The following ATM variants were observed in gnomAD, a reference collection of about 807,000 sequenced individuals.
The protein encoded by ATM is serine-protein kinase ATM.
A neutral mutation model predicts 387.0 loss-of-function variants in ATM; 308 were observed. That is an observed-to-expected ratio of 0.80 (90% CI 0.73 to 0.87). The LOEUF (loss-of-function observed/expected upper bound fraction) is 0.87. ATM is among the 40% of genes least tolerant of loss of function. ATM has a pLI of 0.00. For missense variants in ATM, 3,312 were observed against 3,560.9 expected, an observed-to-expected ratio of 0.93 and a Z score of 1.78; for synonymous variants, 1,156 against 1,187.3, an observed-to-expected ratio of 0.97 and a Z score of 0.54.
At chr11:108,250,442 T>C (rs143508429) in intron 9 of ATM, among the ~76,000 whole-genome samples, 97 of 152,216 alleles carry the variant, frequency 6.4e-4, no homozygotes, top group African/African-American at 2.2e-3. Context: ...GCCCAAATAT[T>C]GCTAATTTAA....
chr11:108,360,926 A>C (rs1591361008), intron 61 of ATM, among the ~76,000 whole-genome samples: 1 of 111,774 alleles, frequency 8.9e-6, no homozygotes, highest in East Asian at 2.4e-4. Context: ...TATTCAACAT[A>C]GTGTTGGAAG....
At chr11:108,276,853 C>A (rs534866181) in intron 22 of ATM, among the ~76,000 whole-genome samples, 1 of 152,320 alleles carries the variant, frequency 6.6e-6, no homozygotes, top group South Asian at 2.1e-4. Flanking sequence ...CAGGGACCCA[C>A]TTGAGGAGGC....
intron 1 of ATM, 31 bp from the exon 2 acceptor site, chr11:108,227,564 A>G (rs1321572243): frequency 1.5e-6 from 2 of 1,322,808 alleles, no homozygotes; most frequent in Admixed American, 1.7e-5. Flanking sequence ...ATACATATAC[A>G]TATATATACC....
intron 22 of ATM, among the ~76,000 whole-genome samples, chr11:108,277,403 C>T (rs1411459689): frequency 6.6e-6 from 1 of 152,120 alleles, no homozygotes; most frequent in African/African-American, 2.4e-5. Context: ...TTCCAGGTGC[C>T]ACTGGGGTAT....
At position 108,321,424 on chromosome 11, in the gene ATM, T is replaced by C. The variant is rs587780636; in HGVS notation, c.6572+4T>C. 25 of 1,613,968 alleles carry C rather than the reference T, an allele frequency of 1.5e-5. No homozygotes were observed. Among genetic ancestry groups the C allele is most frequent in the East Asian group, 2.2e-5 (1 of 44,884 alleles). ...GCATTGGGGAGCTTTTCTCAAGGTATGTAATTCGTATGACTTTGTTATCCT... is the reference window on the plus strand; with the variant it reads ...GCATTGGGGAGCTTTTCTCAAGGTACGTAATTCGTATGACTTTGTTATCCT... On this transcript the variant is annotated splice_donor_region_variant and intron_variant, in intron 45 of 62. Transcript: ENST00000675843.
intron 40 of ATM, among the ~76,000 whole-genome samples, chr11:108,313,688 T>A (rs1275392805): frequency 6.6e-6 from 1 of 152,194 alleles, no homozygotes; most frequent in African/African-American, 2.4e-5. Context: ...GTGCTAAGCA[T>A]GGGTACTGAA....
At chr11:108,354,026 G>C (rs895438587) in intron 60 of ATM, 146 bp downstream of exon 60, 95 of 685,186 alleles carry the variant, frequency 1.4e-4, no homozygotes, top group Non-Finnish European at 4.9e-5. Flanking sequence ...GTCCAGCCTA[G>C]GCAATACAGC....
chr11:108,341,764 ATACAAAT>A (rs2087609918), intron 56 of ATM, among the ~76,000 whole-genome samples: 1 of 152,226 alleles, frequency 6.6e-6, no homozygotes, highest in East Asian at 1.9e-4. Context: ...AATCTGGAAA[ATACAAAT>A]TAAAACCACA....
chr11:108,288,860 A>G, intron 27 of ATM, 117 bp from the exon 28 acceptor site: 1 of 1,220,342 alleles, frequency 8.2e-7, no homozygotes, highest in East Asian at 2.4e-5. Context: ...TTTCAGTAGA[A>G]AAATGGTTTT....
At chr11:108,316,794 C>A (rs868499686) in intron 42 of ATM, among the ~76,000 whole-genome samples, 1 of 145,698 alleles carries the variant, frequency 6.9e-6, no homozygotes, top group Non-Finnish European at 1.5e-5. Flanking sequence ...GGTGTGGTGG[C>A]GGGTGCCTGT....
At chr11:108,332,652 C>T (rs2086387548) in intron 52 of ATM, 110 bp from the exon 53 acceptor site, 1 of 1,158,036 alleles carries the variant, frequency 8.6e-7, no homozygotes, top group South Asian at 1.4e-5. Context: ...ATAATCATTC[C>T]ATTGTCTAGA....
chr11:108,304,835 C>T lies in ATM; in HGVS notation c.5657C>T (p.Pro1886Leu). Residue 1886 changes from proline (P) to leucine (L), a missense_variant, in exon 37 of 63, where the codon CCT (proline) becomes CTT (leucine). Around this residue, in one of 4 missense-constraint regions of ATM, gnomAD observed 1,405 missense variants for 1,604.4 expected, o/e 0.88. Coordinates refer to ENST00000675843, the MANE Select transcript of ATM (RefSeq NM_000051.4). ...TCGCAAACGAGCCGATCCACAACCC[C>T]TGCAAACTTGGATTCAGGTATTCTA... ...HFSQTSRSTT[P>L]ANLDSESEHF... 6.2e-7 allele frequency: 1 copy of T among 1,614,052 alleles called. No individual in the cohort carries two copies. The highest frequency in any genetic ancestry group is 8.5e-7 in the Non-Finnish European group (1 of 1,180,012).
rs745863765 is a variant in ATM, at chr11:108,279,571, A to G, written c.3365A>G (p.Asn1122Ser). Residue 1122 changes from asparagine (N) to serine (S), a missense_variant, in exon 23 of 63, where the codon AAT becomes AGT. Asn to Ser is a conservative substitution (Grantham distance 46). Around this residue, in one of 4 missense-constraint regions of ATM, gnomAD observed 1,791 missense variants for 1,804.5 expected, o/e 0.99. Transcript: ENST00000675843. ...PLKLQQTAFENAYLKAQEGMR... is the reference protein window; with the variant it reads ...PLKLQQTAFESAYLKAQEGMR... ...AAGCTTCAGCAAACAGCTTTTGAAA[A>G]TGCATACTTGAAAGCTCAGGAAGGA... 17 of 1,613,594 alleles carry G rather than the reference A, an allele frequency of 1.1e-5. No homozygotes were observed. The South Asian group carries it at 1.8e-4, about 17-fold the overall frequency.
chr11:108,291,340 C>CT (rs573356748), intron 29 of ATM, among the ~76,000 whole-genome samples: 1 of 152,160 alleles, frequency 6.6e-6, no homozygotes, highest in African/African-American at 2.4e-5. Flanking sequence ...TTTTTAAGGT[C>CT]TTTTTTATTG....
chr11:108,236,714 A>G (rs113748362), intron 5 of ATM, among the ~76,000 whole-genome samples: 3 of 152,318 alleles, frequency 2.0e-5, no homozygotes, highest in African/African-American at 7.2e-5. Flanking sequence ...AAGACAATGT[A>G]CAGAACCCAG....
At chr11:108,334,024 A>T (rs1032067628) in intron 54 of ATM, 56 bp downstream of exon 54, 7 of 1,347,168 alleles carry the variant, frequency 5.2e-6, no homozygotes, top group Non-Finnish European at 7.4e-6. Flanking sequence ...TATTAGATTG[A>T]ACCATTTGAA....
At chr11:108,306,501 C>G (rs765154300) in intron 37 of ATM, among the ~76,000 whole-genome samples, 24 of 152,052 alleles carry the variant, frequency 1.6e-4, no homozygotes, top group Non-Finnish European at 3.2e-4. Context: ...TTATGATAAT[C>G]TGGTAATTTG....
At chr11:108,326,527 A>G (rs2136348811) in intron 47 of ATM, among the ~76,000 whole-genome samples, 1 of 152,376 alleles carries the variant, frequency 6.6e-6, no homozygotes, top group East Asian at 1.9e-4. Context: ...TAGCTACTCT[A>G]AATTTGAAAT....
chr11:108,263,422 G>T (rs2081031718), intron 16 of ATM, among the ~76,000 whole-genome samples: 1 of 128,998 alleles, frequency 7.8e-6, no homozygotes, highest in East Asian at 2.3e-4. Context: ...AAATAAAGAT[G>T]TTCTTTGAAA....
Sources: allele counts gnomAD v4.1 joint callset (sites outside exome capture counted in the v4.1 genomes callset), GRCh38; gene constraint gnomAD v4.1.1; regional missense constraint gnomAD v4.1.1; transcripts MANE v1.5; gene names NCBI Gene and HGNC (gene_info 2026-07-23, HGNC 2026-07-21).